TSHR: variants seen among roughly 807,000 people sequenced by gnomAD.
TSHR encodes thyroid stimulating hormone receptor, also known as thyrotropin receptor.
In TSHR, 51 loss-of-function variants were observed where a neutral mutation model predicts 64.1. The observed-to-expected ratio is 0.80, with a 90% CI of 0.64 to 1.01. TSHR has a LOEUF of 1.01. TSHR is among the 50% of genes least tolerant of loss of function. TSHR has a pLI of 0.00. For missense variants in TSHR, 877 were observed against 942.8 expected, an observed-to-expected ratio of 0.93 and a Z score of 0.91; for synonymous variants, 361 against 361.9, an observed-to-expected ratio of 1.00 and a Z score of 0.03.
rs73346054 is a variant in TSHR at position 80,976,704 on chromosome 14, C to T, written c.170+20854C>T. 5.3e-3 allele frequency among the ~76,000 whole-genome samples: 814 copies of T among 152,334 alleles called. 6 individuals carry two copies. The highest frequency in any genetic ancestry group is 0.018 in the African/African-American group (758 of 41,566). On this transcript the variant is annotated intron_variant, in intron 1 of 9. Transcript: ENST00000298171. ...TCAGTTACTCCTAACAAGATATTGA[C>T]TTCTTCAGCCTGCTGGTCTCTGTAT...
chr14:80,979,155 G>T (rs1888042733), intron 1 of TSHR, among the ~76,000 whole-genome samples: 1 of 152,206 alleles, frequency 6.6e-6, no homozygotes, highest in Non-Finnish European at 1.5e-5. Flanking sequence ...GCAACAACAT[G>T]GATGAACCTG....
At chr14:81,070,625 CAAAAAA>C (rs60958301) in intron 3 of TSHR, among the ~76,000 whole-genome samples, 1 of 15,824 alleles carries the variant, frequency 6.3e-5, no homozygotes, top group South Asian at 3.8e-3. Context: ...GATTCCATCT[CAAAAAA>C]AAAAAAAAAA....
chr14:81,058,663 C>T (rs535956918), intron 1 of TSHR, among the ~76,000 whole-genome samples: 4 of 152,174 alleles, frequency 2.6e-5, no homozygotes, highest in African/African-American at 9.6e-5. Context: ...AATTCTATTG[C>T]GATGCAAATT....
intron 1 of TSHR, among the ~76,000 whole-genome samples, chr14:80,977,551 G>T (rs1468774224): frequency 6.6e-6 from 1 of 152,190 alleles, no homozygotes; most frequent in African/African-American, 2.4e-5. Context: ...AGATGGTGTG[G>T]ACTCACTCTA....
chr14:81,037,119 G>A (rs1884664915), intron 1 of TSHR, among the ~76,000 whole-genome samples: 1 of 151,200 alleles, frequency 6.6e-6, no homozygotes, highest in South Asian at 2.1e-4. Flanking sequence ...TCTAGCCCAG[G>A]CAACAAAGCA....
rs1380568665 is a variant in TSHR, at chr14:81,143,483, C to A, written c.1425C>A (p.Leu475=). The part of the protein sequence containing the change: ...MYLLLIASVD[L]YTHSEYYNHA... ...TGCTCCTCATCGCCTCTGTAGACCTCTACACTCACTCTGAGTACTACAACC... is the reference window on the plus strand; with the variant it reads ...TGCTCCTCATCGCCTCTGTAGACCTATACACTCACTCTGAGTACTACAACC... The change falls in exon 10 of 10, where the codon CTC becomes CTA. Residue 475 remains leucine (L), a synonymous_variant. Coordinates refer to ENST00000298171, the MANE Select transcript of TSHR (RefSeq NM_000369.5). 6.2e-7 allele frequency: 1 copy of A among 1,614,138 alleles called. No homozygotes were observed. The highest frequency in any genetic ancestry group is 2.2e-5 in the East Asian group (1 of 44,878).
chr14:81,000,020 C>T (rs374544676), intron 1 of TSHR, among the ~76,000 whole-genome samples: 1 of 150,948 alleles, frequency 6.6e-6, no homozygotes, highest in African/African-American at 2.4e-5. Flanking sequence ...CAACTTCCAC[C>T]TCCTGGGTTC....
chr14:81,117,450 C>T (rs1297965904), intron 8 of TSHR, among the ~76,000 whole-genome samples: 1 of 117,698 alleles, frequency 8.5e-6, no homozygotes, highest in East Asian at 3.7e-4. Context: ...GGATAAATTC[C>T]TCGACACATA....
chr14:81,088,755 A>T (rs1489761315), intron 4 of TSHR, among the ~76,000 whole-genome samples: 5 of 152,162 alleles, frequency 3.3e-5, no homozygotes, highest in Non-Finnish European at 7.3e-5. Context: ...AAAAAACTTA[A>T]TCCCAAACCC....
Position 81,123,555 on chromosome 14 carries a change from A to G in TSHR, c.692+15103A>G, listed in dbSNP as rs1010348247. 2.6e-5 allele frequency among the ~76,000 whole-genome samples: 4 copies of G among 152,230 alleles called. No individual in the cohort carries two copies. The South Asian group carries it at 6.2e-4, about 24-fold the overall frequency. On this transcript the variant is annotated intron_variant, in intron 8 of 9. Transcript: ENST00000298171. ...TGATTTCATTGTCATTTGTTGTCAA[A>G]GCCAAACTTCAAAAATCGTAAACTC... is the stretch of plus-strand genomic sequence containing the variant.
chr14:81,048,701 GA>G (rs1437410380), intron 1 of TSHR, among the ~76,000 whole-genome samples: 2 of 152,182 alleles, frequency 1.3e-5, no homozygotes, highest in Admixed American at 1.3e-4. Flanking sequence ...AATGCAGTAT[GA>G]AAGCGCTTAG....
chr14:80,979,119 G>A (rs1043430611), intron 1 of TSHR, among the ~76,000 whole-genome samples: 1 of 152,166 alleles, frequency 6.6e-6, no homozygotes, highest in Non-Finnish European at 1.5e-5. Flanking sequence ...TCGGTTACCC[G>A]GATGCTCAAA....
At chr14:81,124,892 CA>C (rs2140073111) in intron 8 of TSHR, among the ~76,000 whole-genome samples, 2 of 151,980 alleles carry the variant, frequency 1.3e-5, no homozygotes, top group African/African-American at 4.8e-5. Flanking sequence ...TTTTATTATT[CA>C]ATTGTGTTCC....
rs367582542 is a variant in TSHR, at chr14:80,981,750, C to A, written c.170+25900C>A. 6.6e-5 allele frequency among the ~76,000 whole-genome samples: 10 copies of A among 152,264 alleles called. No individual in the cohort carries two copies. In the South Asian group the frequency reaches 2.1e-3, roughly 32 times the overall value. ...ATTGTCGGACGACCATCAGCTTCAG[C>A]AGGTCTGCACTAGGGAACAATCATT... On this transcript the variant is annotated intron_variant, in intron 1 of 9. Transcript: ENST00000298171.
In TSHR at chr14:81,008,405, T is replaced by C. The variant is rs558390102; in HGVS notation, c.170+52555T>C. Among the ~76,000 whole-genome samples the C allele has an allele frequency of 4.4e-3, 663 of 152,148 alleles. 4 individuals are homozygous for C. Among genetic ancestry groups the C allele is most frequent in the African/African-American group, 0.013 (556 of 41,496 alleles). Reference sequence around the variant, plus strand: ...GCCAGGATGGTCTCCATCTCCTGACTTCATGATCTGCCCACCTTGGCCTCC... The same window carrying C: ...GCCAGGATGGTCTCCATCTCCTGACCTCATGATCTGCCCACCTTGGCCTCC... On this transcript the variant is annotated intron_variant, in intron 1 of 9. Transcript: ENST00000298171.
intron 6 of TSHR, among the ~76,000 whole-genome samples, chr14:81,092,829 G>T (rs927958670): frequency 6.6e-5 from 10 of 152,188 alleles, no homozygotes; most frequent in Non-Finnish European, 1.2e-4. Flanking sequence ...TTACGGCAGT[G>T]GTTGGTACAT....
At chr14:80,986,628 A>C (rs1367713576) in intron 1 of TSHR, among the ~76,000 whole-genome samples, 1 of 152,036 alleles carries the variant, frequency 6.6e-6, no homozygotes, top group East Asian at 1.9e-4. Flanking sequence ...CTGAGATTAC[A>C]GGCGCCCACC....
intron 1 of TSHR, among the ~76,000 whole-genome samples, chr14:81,000,313 A>G (rs900691115): frequency 6.9e-6 from 1 of 145,380 alleles, no homozygotes. Flanking sequence ...TACCATAAGC[A>G]CCACGAGAAA....
intron 1 of TSHR, among the ~76,000 whole-genome samples, chr14:80,977,427 C>A (rs1189787316): frequency 1.3e-5 from 2 of 152,174 alleles, no homozygotes; most frequent in African/African-American, 4.8e-5. Context: ...ATGTATTCTA[C>A]AGAGCTCAGC....
Sources: gnomAD v4.1 joint callset for allele counts (sites outside exome capture counted in the v4.1 genomes callset) on GRCh38, gnomAD v4.1.1 for gene constraint, MANE v1.5 for transcripts, NCBI Gene and HGNC (gene_info 2026-07-23, HGNC 2026-07-21) for gene names.